Variants in PLEKHG1 observed in about 807,000 individuals in gnomAD.
PLEKHG1 encodes pleckstrin homology and RhoGEF domain containing G1, also known as pleckstrin homology domain-containing family G member 1.
In PLEKHG1, 44 loss-of-function variants were observed where a neutral mutation model predicts 100.8. The observed-to-expected ratio is 0.44, with a 90% confidence interval of 0.34 to 0.56. The LOEUF is 0.56. Ranked by LOEUF, PLEKHG1 falls within the 20% of genes least tolerant of loss-of-function variation. The probability of loss-of-function intolerance (pLI) is 0.01; values close to 1 mark genes in which losing one functional copy is unlikely to be tolerated. For missense variants in PLEKHG1, 1,545 were observed against 1,720.9 expected, an observed-to-expected ratio of 0.90 and a Z score of 1.81; for synonymous variants, 640 against 662.5, an observed-to-expected ratio of 0.97 and a Z score of 0.52.
chr6:150,781,672 A>G (rs73020861), intron 3 of PLEKHG1, among the ~76,000 whole-genome samples: 1,789 of 152,326 alleles, frequency 0.012, 18 homozygotes, highest in Middle Eastern at 0.068. Context: ...TGATATAAAT[A>G]TCAGAACTAT....
At chr6:150,678,165 A>T (rs1425515301) in intron 3 of PLEKHG1, among the ~76,000 whole-genome samples, 1 of 142,352 alleles carries the variant, frequency 7.0e-6, no homozygotes. Context: ...CCATTCTTTT[A>T]GCTCTTTTGA....
chr6:150,765,785 GAAGAAT>G (rs1234492716), intron 2 of PLEKHG1, among the ~76,000 whole-genome samples: 1 of 152,188 alleles, frequency 6.6e-6, no homozygotes, highest in African/African-American at 2.4e-5. Context: ...AAAGTTAGAA[GAAGAAT>G]AAGATGTACA....
chr6:150,616,700 T>A (rs141418406), intron 1 of PLEKHG1, among the ~76,000 whole-genome samples: 1 of 152,246 alleles, frequency 6.6e-6, no homozygotes, highest in Admixed American at 6.5e-5. Context: ...AGAGGAAACG[T>A]CTAAAGATGT....
intron 2 of PLEKHG1, among the ~76,000 whole-genome samples, chr6:150,647,724 T>C (rs575679810): frequency 6.4e-4 from 98 of 152,190 alleles, no homozygotes; most frequent in Non-Finnish European, 1.2e-3. Context: ...AAAATTCTAA[T>C]TGGATTTTAT....
chr6:150,827,693 A>G, intron 14 of PLEKHG1: 1 of 1,056,528 alleles, frequency 9.5e-7, no homozygotes, highest in Non-Finnish European at 1.5e-6. Context: ...CACTGAGTGG[A>G]ATGACATCTT....
At chr6:150,722,463 C>G (rs1046590583) in intron 1 of PLEKHG1, among the ~76,000 whole-genome samples, 2 of 148,328 alleles carry the variant, frequency 1.3e-5, no homozygotes, top group African/African-American at 5.0e-5. Flanking sequence ...AAGCGATTCT[C>G]CTGCCATAGT....
At chr6:150,800,242 G>T (rs4869948) in intron 5 of PLEKHG1, among the ~76,000 whole-genome samples, 14 of 152,078 alleles carry the variant, frequency 9.2e-5, no homozygotes, top group African/African-American at 2.7e-4. Flanking sequence ...GCCAGCAGAG[G>T]GGGTGATTAA....
intron 2 of PLEKHG1, among the ~76,000 whole-genome samples, chr6:150,650,126 C>T (rs1263287219): frequency 1.3e-5 from 2 of 151,190 alleles, no homozygotes; most frequent in Non-Finnish European, 2.9e-5. Context: ...CCCCAAATTT[C>T]ACCAGATGTA....
At chr6:150,819,749 T>A (rs780539303) in exon 12 of PLEKHG1, 3 of 1,607,704 alleles carry the variant, frequency 1.9e-6, no homozygotes, top group Non-Finnish European at 1.7e-6. Flanking sequence ...AAGGTTCTGC[T>A]CCATATCGGC....
chr6:150,619,649 G>A (rs974214195), intron 1 of PLEKHG1, among the ~76,000 whole-genome samples: 8 of 152,206 alleles, frequency 5.3e-5, no homozygotes, highest in African/African-American at 1.9e-4. Flanking sequence ...GCAGACATAA[G>A]GCAGCTTTTA....
intron 2 of PLEKHG1, among the ~76,000 whole-genome samples, chr6:150,734,433 G>T (rs1176338738): frequency 6.6e-6 from 1 of 152,204 alleles, no homozygotes; most frequent in Non-Finnish European, 1.5e-5. Context: ...CCTGGAGCAT[G>T]AGTGTCAGGT....
intron 1 of PLEKHG1, among the ~76,000 whole-genome samples, chr6:150,621,350 T>C (rs1046312600): frequency 6.6e-6 from 1 of 151,704 alleles, no homozygotes; most frequent in Admixed American, 6.6e-5. Flanking sequence ...TTTTACCACC[T>C]CAGGGGCTTT....
At chr6:150,629,480 A>G (rs1364124597) in intron 1 of PLEKHG1, among the ~76,000 whole-genome samples, 1 of 150,236 alleles carries the variant, frequency 6.7e-6, no homozygotes, top group Admixed American at 6.6e-5. Flanking sequence ...TTTTTTTTTG[A>G]GATGGATTCT....
At chr6:150,742,623 G>T (rs1782939594) in intron 2 of PLEKHG1, among the ~76,000 whole-genome samples, 1 of 143,434 alleles carries the variant, frequency 7.0e-6, no homozygotes, top group Admixed American at 7.1e-5. Flanking sequence ...CACTCAACCA[G>T]ATCTTACGAG....
intron 3 of PLEKHG1, among the ~76,000 whole-genome samples, chr6:150,670,106 C>T (rs1477602849): frequency 6.6e-6 from 1 of 152,000 alleles, no homozygotes. Context: ...GTTTATTTTT[C>T]TTCATAAGCC....
chr6:150,773,655 T>G (rs561757036), intron 3 of PLEKHG1, among the ~76,000 whole-genome samples: 3 of 152,252 alleles, frequency 2.0e-5, no homozygotes, highest in Non-Finnish European at 2.9e-5. Context: ...CATACATTGC[T>G]CTTCTTCAAC....
chr6:150,760,387 A>G (rs1262293381), intron 2 of PLEKHG1, among the ~76,000 whole-genome samples: 3 of 152,232 alleles, frequency 2.0e-5, no homozygotes, highest in Non-Finnish European at 4.4e-5. Flanking sequence ...AGTTAACCTG[A>G]TGACAAGGAA....
chr6:150,654,913 G>A (rs1778905935), intron 3 of PLEKHG1, among the ~76,000 whole-genome samples: 1 of 152,238 alleles, frequency 6.6e-6, no homozygotes, highest in Non-Finnish European at 1.5e-5. Flanking sequence ...TGCAGTGTTT[G>A]ATCTTTAGAA....
chr6:150,843,397 T>A (rs199995532), exon 16 of PLEKHG1: 1 of 142,366 alleles, frequency 7.0e-6, no homozygotes, highest in Non-Finnish European at 1.6e-5. Context: ...CTGAAAGTTA[T>A]CAATTGCTTT....
Sources: allele counts gnomAD v4.1 joint callset (sites outside exome capture counted in the v4.1 genomes callset), GRCh38; gene constraint gnomAD v4.1.1; transcripts MANE v1.5; gene names NCBI Gene and HGNC (gene_info 2026-07-23, HGNC 2026-07-21).